The following SRGAP2C variants were observed in gnomAD, a reference collection of about 807,000 sequenced individuals.
SRGAP2C encodes the protein SLIT-ROBO Rho GTPase activating protein 2C.
Under a neutral mutation model 25.1 loss-of-function variants are expected in SRGAP2C, and 15 were observed. That is an observed-to-expected ratio of 0.60 (90% confidence interval 0.40 to 0.92). The LOEUF (loss-of-function observed/expected upper bound fraction) is 0.92, where lower values mean the gene tolerates loss of function less well. SRGAP2C is among the 40% of genes least tolerant of loss of function. The pLI is 0.00. For missense variants in SRGAP2C, 144 were observed against 264.4 expected, an observed-to-expected ratio of 0.54 and a Z score of 3.16; for synonymous variants, 44 against 96.6, an observed-to-expected ratio of 0.46 and a Z score of 3.19.
intron 2 of SRGAP2C, among the ~76,000 whole-genome samples, chr1:121,282,949 T>C (rs1657283855): frequency 6.7e-6 from 1 of 149,336 alleles, no homozygotes; most frequent in African/African-American, 2.5e-5. Flanking sequence ...CAATGGCTAT[T>C]ACTATCAGCT....
intron 2 of SRGAP2C, among the ~76,000 whole-genome samples, chr1:121,278,947 G>A (rs1657174596): frequency 6.6e-6 from 1 of 151,942 alleles, no homozygotes; most frequent in Admixed American, 6.6e-5. Flanking sequence ...GTATTCTTAT[G>A]TAACATTCTC....
chr1:121,309,572 ACT>A, intron 3 of SRGAP2C, among the ~76,000 whole-genome samples: 1 of 150,244 alleles, frequency 6.7e-6, no homozygotes, highest in Admixed American at 6.6e-5. Flanking sequence ...ATCCCTCCCC[ACT>A]CCCCCAACCC....
intron 3 of SRGAP2C, among the ~76,000 whole-genome samples, chr1:121,314,510 T>C (rs1377095662): frequency 3.5e-4 from 54 of 152,266 alleles, no homozygotes; most frequent in African/African-American, 1.3e-3. Context: ...CTCTGCGTTT[T>C]AGAGTTTCCA....
At chr1:121,255,384 G>T (rs1467744495) in intron 2 of SRGAP2C, among the ~76,000 whole-genome samples, 1 of 151,774 alleles carries the variant, frequency 6.6e-6, no homozygotes. Flanking sequence ...GAGTGTAGAC[G>T]TTGTGGGACC....
rs1284931297 is a variant in SRGAP2C at position 121,185,080 on chromosome 1, T to G, written c.-587T>G. ...GAAGAGAGGGGAGGAGAGCTCTGAGTGGGAAGCGGAACCGGGGGCCTGGGA... is the reference window on the plus strand; with the variant it reads ...GAAGAGAGGGGAGGAGAGCTCTGAGGGGGAAGCGGAACCGGGGGCCTGGGA... On this transcript the variant is annotated 5_prime_UTR_variant, in exon 1 of 10. Transcript: ENST00000367123. The G allele has an allele frequency of 2.0e-6, 1 of 504,276 alleles. No homozygotes were observed. The highest frequency in any genetic ancestry group is 3.5e-6 in the Non-Finnish European group (1 of 285,342). 31.2% of individuals were successfully genotyped at this position (504,276 alleles called of 1,614,324 possible). A position where few individuals can be genotyped will look rare whatever the true frequency, so the allele number is the denominator to read the frequency against.
intron 4 of SRGAP2C, among the ~76,000 whole-genome samples, chr1:121,348,807 GTC>G (rs1658818876): frequency 7.3e-6 from 1 of 137,652 alleles, no homozygotes; most frequent in Admixed American, 7.6e-5. Context: ...AAGCTTTAGC[GTC>G]TGTAAGTACT....
intron 5 of SRGAP2C, 107 bp from the exon 6 acceptor site, chr1:121,373,864 A>G (rs1659557290): frequency 1.8e-6 from 1 of 568,310 alleles, no homozygotes; most frequent in Non-Finnish European, 3.1e-6. Context: ...GGGTGTGAGG[A>G]TATTGCTTCA....
chr1:121,336,961 G>A lies in SRGAP2C; in HGVS notation c.423+12321G>A, dbSNP rs1553342559. On this transcript the variant is annotated intron_variant, in intron 4 of 9. Transcript: ENST00000367123. ...TACTTGTGTTGTTAAGCTTCTGCCC[G>A]TATCCCATATTTCCTGTAAATTGGA... is the stretch of plus-strand genomic sequence containing the variant. 2.6e-3 allele frequency among the ~76,000 whole-genome samples: 90 copies of A among 33,998 alleles called. 26 individuals are homozygous for A. The highest frequency in any genetic ancestry group is 4.0e-4 in the Non-Finnish European group (7 of 17,456). 22.3% of individuals were successfully genotyped at this position (33,998 alleles called of 152,430 possible).
chr1:121,367,245 G>A (rs1570814012), intron 5 of SRGAP2C, among the ~76,000 whole-genome samples: 1 of 151,388 alleles, frequency 6.6e-6, no homozygotes, highest in Non-Finnish European at 1.5e-5. Context: ...TCCTCTAGTA[G>A]GCAATGGAAA....
chr1:121,364,324 CT>C (rs1236955428), intron 4 of SRGAP2C, among the ~76,000 whole-genome samples: 1 of 132,714 alleles, frequency 7.5e-6, no homozygotes, highest in Non-Finnish European at 1.6e-5. Flanking sequence ...CTTTTCTTTT[CT>C]TTTTTTTGAG....
chr1:121,293,706 T>C (rs1444241181), intron 3 of SRGAP2C, among the ~76,000 whole-genome samples: 5 of 150,660 alleles, frequency 3.3e-5, no homozygotes, highest in African/African-American at 1.2e-4. Context: ...CCCAGAATAG[T>C]TCATTCTCTG....
At chr1:121,272,281 A>G (rs1160978936) in intron 2 of SRGAP2C, among the ~76,000 whole-genome samples, 1 of 150,428 alleles carries the variant, frequency 6.6e-6, no homozygotes, top group Admixed American at 6.7e-5. Flanking sequence ...AGATACTGTT[A>G]TTAACAAAAT....
chr1:121,282,914 C>A (rs1657282185), intron 2 of SRGAP2C, among the ~76,000 whole-genome samples: 1 of 150,236 alleles, frequency 6.7e-6, no homozygotes, highest in African/African-American at 2.4e-5. Context: ...TTCTGAATGC[C>A]CTCTCAATGT....
At chr1:121,232,030 C>T (rs1168530763) in intron 2 of SRGAP2C, among the ~76,000 whole-genome samples, 1 of 26,952 alleles carries the variant, frequency 3.7e-5, no homozygotes, top group African/African-American at 2.0e-4. Context: ...GGAAAGGAAA[C>T]CAAAATCAAG....
chr1:121,271,086 C>T (rs1266922525), intron 2 of SRGAP2C, among the ~76,000 whole-genome samples: 8 of 151,396 alleles, frequency 5.3e-5, no homozygotes, highest in African/African-American at 9.7e-5. Flanking sequence ...CGTGAGCCAC[C>T]GCGCCCAGCT....
chr1:121,222,186 A>T (rs1296539580), intron 2 of SRGAP2C, among the ~76,000 whole-genome samples: 8 of 152,178 alleles, frequency 5.3e-5, no homozygotes, highest in Non-Finnish European at 1.2e-4. Context: ...AGAAATTAAG[A>T]TATGTGCTCA....
Position 121,315,203 on chromosome 1 carries a change from G to T in SRGAP2C, c.261-9275G>T, listed in dbSNP as rs1553340486. On this transcript the variant is annotated intron_variant, in intron 3 of 9. Coordinates refer to ENST00000367123, the MANE Select transcript of SRGAP2C (RefSeq NM_001329984.2). ...TGTTACCCAGGCTGGTCATTTACAGGCACAATCATTGTGCACTATGGCCTG... is the reference window on the plus strand; with the variant it reads ...TGTTACCCAGGCTGGTCATTTACAGTCACAATCATTGTGCACTATGGCCTG... The T allele has an allele frequency of 2.5e-3, 1,019 of 409,754 alleles. 2 individuals are homozygous for T. The highest frequency in any genetic ancestry group is 3.7e-3 in the Admixed American group (106 of 28,518). The allele number at this position is 409,754 out of a possible 1,614,324, so 25.4% of individuals were successfully genotyped here. A position where few individuals can be genotyped will look rare whatever the true frequency, so the allele number is the denominator to read the frequency against.
intron 3 of SRGAP2C, among the ~76,000 whole-genome samples, chr1:121,309,210 T>C (rs1657919938): frequency 9.3e-6 from 1 of 107,304 alleles, no homozygotes; most frequent in African/African-American, 3.4e-5. Flanking sequence ...CTTGTTTGAT[T>C]GGATCTTCAC....
intron 5 of SRGAP2C, among the ~76,000 whole-genome samples, chr1:121,370,566 C>T (rs1296788538): frequency 6.8e-5 from 10 of 147,806 alleles, no homozygotes; most frequent in East Asian, 4.2e-4. Flanking sequence ...CTCAGCCTCC[C>T]GAGTAGCTGG....
Sources: allele counts gnomAD v4.1 joint callset (sites outside exome capture counted in the v4.1 genomes callset), GRCh38; gene constraint gnomAD v4.1.1; transcripts MANE v1.5; gene names NCBI Gene and HGNC (gene_info 2026-07-23, HGNC 2026-07-21).